The following CASP10 variants were observed in gnomAD, a reference collection of about 807,000 sequenced individuals.
CASP10 encodes caspase-10.
CASP10 carries 41 observed loss-of-function variants against 48.5 expected under a neutral mutation model. The observed-to-expected ratio is 0.85, with a 90% CI of 0.66 to 1.10. The LOEUF (loss-of-function observed/expected upper bound fraction) is 1.10, where lower values mean the gene tolerates loss of function less well. CASP10 is among the 50% of genes least tolerant of loss of function. The probability of loss-of-function intolerance (pLI) is 0.00; values close to 1 mark genes in which losing one functional copy is unlikely to be tolerated. For synonymous variants in CASP10, 232 were observed against 238.4 expected (o/e 0.97, Z 0.25); for missense variants, 614 against 614.5 (o/e 1.00, Z 0.01).
chr2:201,189,944 G>A (rs919439781), intron 3 of CASP10, among the ~76,000 whole-genome samples: 3 of 152,170 alleles, frequency 2.0e-5, no homozygotes, highest in African/African-American at 7.2e-5. Context: ...AGGCTGCAGT[G>A]AGCAATGGCT....
Position 201,217,919 on chromosome 2 carries a change from AC to A in CASP10, c.*179del. 1 of 1,469,106 alleles carries A rather than the reference AC, an allele frequency of 6.8e-7. No individual in the cohort carries two copies. The highest frequency in any genetic ancestry group is 9.0e-7 in the Non-Finnish European group (1 of 1,112,716). The allele number at this position is 1,469,106 out of a possible 1,614,324, so 91.0% of individuals were successfully genotyped here. A position where few individuals can be genotyped will look rare whatever the true frequency, so the allele number is the denominator to read the frequency against. ...CTTTTGCAAGTCTAAATGTTAGAAAACTTTCTTTTTTTTGGAGATAGTCTCA... is the reference window on the plus strand; with the variant it reads ...CTTTTGCAAGTCTAAATGTTAGAAAATTTCTTTTTTTTGGAGATAGTCTCA... On this transcript the variant is annotated 3_prime_UTR_variant, in exon 10 of 10. Transcript: ENST00000286186.
At chr2:201,188,452 T>G (rs931163186) in intron 3 of CASP10, among the ~76,000 whole-genome samples, 4 of 152,204 alleles carry the variant, frequency 2.6e-5, no homozygotes, top group Non-Finnish European at 5.9e-5. Context: ...AGTGTTGGGA[T>G]TACAGGTGTG....
intron 1 of CASP10, among the ~76,000 whole-genome samples, chr2:201,185,327 T>C (rs1263321760): frequency 3.3e-5 from 5 of 152,186 alleles, no homozygotes; most frequent in African/African-American, 9.7e-5. Context: ...TTTGGGTTGA[T>C]AGATCATAAG....
At chr2:201,227,635 C>G (rs1945804971) in intron 9 of CASP10, among the ~76,000 whole-genome samples, 2 of 152,146 alleles carry the variant, frequency 1.3e-5, no homozygotes, top group Non-Finnish European at 2.9e-5. Flanking sequence ...CGGCTCACTG[C>G]AAGCTCCACC....
intron 5 of CASP10, among the ~76,000 whole-genome samples, chr2:201,203,043 T>C (rs549978570): frequency 8.7e-4 from 132 of 152,334 alleles, no homozygotes; most frequent in African/African-American, 3.1e-3. Context: ...TTCATTTTGC[T>C]TTCTCCATAT....
Position 201,219,523 on chromosome 2 carries a change from T to C in CASP10, c.*1782T>C. The C allele has an allele frequency of 1.0e-6, 1 of 985,410 alleles. No homozygotes were observed. Among genetic ancestry groups the C allele is most frequent in the Non-Finnish European group, 1.2e-6 (1 of 829,936 alleles). The allele number at this position is 985,410 out of a possible 1,614,324, so 61.0% of individuals were successfully genotyped here. A position where few individuals can be genotyped will look rare whatever the true frequency, so the allele number is the denominator to read the frequency against. On this transcript the variant is annotated 3_prime_UTR_variant, in exon 10 of 10. Transcript: ENST00000286186. The stretch of plus-strand genomic sequence containing the variant: ...ACAGTCCCCACCTTGTTACTGCTAC[T>C]ACACTTTGCTCCTCTGGCCCAAGGC...
At chr2:201,226,028 G>A (rs938632312), downstream of CASP10, among the ~76,000 whole-genome samples, 1 of 152,084 alleles carries the variant, frequency 6.6e-6, no homozygotes, top group Non-Finnish European at 1.5e-5. Flanking sequence ...TATCTGCCAC[G>A]TTGTATAACT....
chr2:201,185,018 G>T (rs1559291355), intron 1 of CASP10, among the ~76,000 whole-genome samples: 1 of 151,984 alleles, frequency 6.6e-6, no homozygotes, highest in Admixed American at 6.6e-5. Flanking sequence ...TTGAAACAGG[G>T]TCTCACTCTG....
In CASP10 at chr2:201,186,003, C is replaced by A. The variant is rs146696981; in HGVS notation, c.226C>A (p.Pro76Thr). 2.8e-5 allele frequency: 45 copies of A among 1,612,866 alleles called. No individual in the cohort carries two copies. The highest frequency in any genetic ancestry group is 1.8e-4 in the Middle Eastern group (1 of 5,706). ...LAEDLLSEED[P>T]FFLAELLYII... Reference sequence around the variant, plus strand: ...AGAGGATCTGCTGAGTGAGGAAGACCCTTTCTTCCTGGCAGAACTCCTCTA... The same window carrying A: ...AGAGGATCTGCTGAGTGAGGAAGACACTTTCTTCCTGGCAGAACTCCTCTA... Residue 76 changes from proline (P) to threonine (T), a missense_variant, in exon 2 of 10, where the codon CCT (proline) becomes ACT (threonine). Transcript: ENST00000286186.
intron 6 of CASP10, 119 bp downstream of exon 6, chr2:201,203,885 T>C: frequency 1.2e-6 from 1 of 852,304 alleles, no homozygotes; most frequent in Non-Finnish European, 2.0e-6. Context: ...TAATGAATAA[T>C]TCATTTTTTA....
chr2:201,203,430 C>A (rs41431345), intron 5 of CASP10, among the ~76,000 whole-genome samples: 1 of 152,104 alleles, frequency 6.6e-6, no homozygotes, highest in African/African-American at 2.4e-5. Context: ...CCTCAGCCTC[C>A]TGAGTAGCTG....
At chr2:201,209,638 T>A (rs2126048678) in intron 9 of CASP10, 76 bp downstream of exon 9, 2 of 1,445,530 alleles carry the variant, frequency 1.4e-6, no homozygotes, top group South Asian at 2.6e-5. Flanking sequence ...ATTCAACACC[T>A]TTGGTAAGGG....
At chr2:201,208,760 C>T (rs1945290398) in intron 8 of CASP10, among the ~76,000 whole-genome samples, 1 of 152,060 alleles carries the variant, frequency 6.6e-6, no homozygotes, top group South Asian at 2.1e-4. Context: ...CTCACTGCAA[C>T]CTCTGCCTCC....
intron 3 of CASP10, among the ~76,000 whole-genome samples, chr2:201,190,874 A>ATTATTATTATTT (rs1944587842): frequency 6.6e-6 from 1 of 151,400 alleles, no homozygotes; most frequent in Admixed American, 6.6e-5. Flanking sequence ...TATTATTATT[A>ATTATTATTATTT]TTTTTAGACA....
In CASP10 at chr2:201,209,437, T is replaced by G; in HGVS notation, c.1290T>G (p.Ile430Met). ...CACCCACTTCCCTGCAGGACAGTAT[T>G]CCTGCCGAGGCTGACTTCCTACTTG... is the stretch of plus-strand genomic sequence containing the variant. ...EQAPTSLQDSIPAEADFLLGL... is the reference protein window; with the variant it reads ...EQAPTSLQDSMPAEADFLLGL... The change falls in exon 9 of 10, where the codon ATT (isoleucine) becomes ATG (methionine). Residue 430 changes from isoleucine to methionine, a missense_variant. By Grantham distance (10) the Ile-to-Met change is conservative. Coordinates refer to ENST00000286186, the MANE Select transcript of CASP10 (RefSeq NM_032977.4). 2 of 1,614,076 alleles carry G rather than the reference T, an allele frequency of 1.2e-6. No homozygotes were observed. Among genetic ancestry groups the G allele is most frequent in the Non-Finnish European group, 8.5e-7 (1 of 1,179,948 alleles).
intron 5 of CASP10, among the ~76,000 whole-genome samples, chr2:201,203,376 G>A (rs1471423660): frequency 1.3e-5 from 2 of 150,450 alleles, no homozygotes; most frequent in South Asian, 2.1e-4. Flanking sequence ...GCGCAATCTC[G>A]GCCCACTGCA....
chr2:201,185,640 A>C (rs1576059154), intron 1 of CASP10, 131 bp from the exon 2 acceptor site: 2 of 703,786 alleles, frequency 2.8e-6, no homozygotes, highest in East Asian at 5.1e-5. Context: ...CGTAATTTTT[A>C]TTTTTCAGCA....
At chr2:201,226,772 T>C (rs1945793021) in intron 9 of CASP10, among the ~76,000 whole-genome samples, 1 of 152,176 alleles carries the variant, frequency 6.6e-6, no homozygotes, top group Non-Finnish European at 1.5e-5. Flanking sequence ...TATAGTCATA[T>C]AAAGGAATAC....
chr2:201,201,026 C>T (rs369399649), intron 5 of CASP10, among the ~76,000 whole-genome samples: 7 of 151,964 alleles, frequency 4.6e-5, no homozygotes, highest in African/African-American at 1.7e-4. Context: ...TCCCACCTCC[C>T]CGCTCCCCCA....
Sources: gnomAD v4.1 joint callset for allele counts (sites outside exome capture counted in the v4.1 genomes callset) on GRCh38, gnomAD v4.1.1 for gene constraint, MANE v1.5 for transcripts, NCBI Gene and HGNC (gene_info 2026-07-23, HGNC 2026-07-21) for gene names.